The following C19orf47 variants were observed in gnomAD, a reference collection of about 807,000 sequenced individuals.
C19orf47 encodes the protein uncharacterized protein C19orf47.
Under a neutral mutation model 32.3 loss-of-function variants are expected in C19orf47, and 18 were observed. That is an observed-to-expected ratio of 0.56 (90% CI 0.39 to 0.83). The LOEUF (loss-of-function observed/expected upper bound fraction) is 0.83, where lower values mean the gene tolerates loss of function less well. Among genes scored for constraint, C19orf47 ranks in the 40% least tolerant of loss-of-function variants. The pLI is 0.00. For missense variants in C19orf47, 484 were observed against 531.6 expected (o/e 0.91, Z 0.88); for synonymous variants, 202 against 211.1 (o/e 0.96, Z 0.37).
the C19orf47 span, among the ~76,000 whole-genome samples, chr19:40,294,458 T>C: frequency 6.6e-6 from 1 of 152,144 alleles, no homozygotes; most frequent in Non-Finnish European, 1.5e-5. Flanking sequence ...GGAGGTATTA[T>C]TGTTTTCTGA....
the C19orf47 span, among the ~76,000 whole-genome samples, chr19:40,298,317 A>T: frequency 2.6e-5 from 4 of 151,910 alleles, no homozygotes; most frequent in South Asian, 4.1e-4. Context: ...AAAAAAAAAA[A>T]AAGAAAAAAT....
At chr19:40,311,846 AG>A in the C19orf47 span, among the ~76,000 whole-genome samples, 2 of 152,094 alleles carry the variant, frequency 1.3e-5, no homozygotes, top group East Asian at 3.9e-4. Flanking sequence ...TAGTAGAGAC[AG>A]GGTTTCACCA....
the C19orf47 span, among the ~76,000 whole-genome samples, chr19:40,304,782 G>A: frequency 6.6e-6 from 1 of 152,148 alleles, no homozygotes; most frequent in Non-Finnish European, 1.5e-5. Flanking sequence ...AAAGAACCTA[G>A]AAGGGTACAG....
chr19:40,316,997 T>C (rs554230689), downstream of C19orf47, among the ~76,000 whole-genome samples: 22 of 152,158 alleles, frequency 1.4e-4, no homozygotes, highest in African/African-American at 4.6e-4. Flanking sequence ...ACACAAGAAA[T>C]TGGTTAACAT....
downstream of C19orf47, among the ~76,000 whole-genome samples, chr19:40,318,404 GGCACA>G (rs570376405): frequency 3.8e-4 from 58 of 152,018 alleles, no homozygotes; most frequent in Non-Finnish European, 6.9e-4. Context: ...GAATCTCCCT[GGCACA>G]GCTAAACCCT....
At chr19:40,327,636 G>A (rs934474403) in intron 6 of C19orf47, among the ~76,000 whole-genome samples, 1 of 152,138 alleles carries the variant, frequency 6.6e-6, no homozygotes. Flanking sequence ...GACACCATGA[G>A]GTCATTGCTG....
intron 5 of C19orf47, among the ~76,000 whole-genome samples, chr19:40,331,703 G>A (rs1474645238): frequency 1.3e-5 from 2 of 152,168 alleles, no homozygotes; most frequent in African/African-American, 4.8e-5. Context: ...ATCAGCAAAG[G>A]GAAGCTAATG....
the C19orf47 span, among the ~76,000 whole-genome samples, chr19:40,313,497 A>T: frequency 1.3e-5 from 2 of 151,810 alleles, no homozygotes; most frequent in East Asian, 3.9e-4. Context: ...GCTAATTTTT[A>T]AATTTTTTGT....
In C19orf47 at chr19:40,348,341, C is replaced by T; in HGVS notation, c.-51G>A. On this transcript the variant is annotated 5_prime_UTR_variant, in exon 1 of 9. Transcript: ENST00000683109. Reference sequence around the variant, plus strand: ...CGCCTCACCTGGCCCACCGGGCCCGCGCCCACTCGCGCCGCCCGCCCTCCC... The same window carrying T: ...CGCCTCACCTGGCCCACCGGGCCCGTGCCCACTCGCGCCGCCCGCCCTCCC... 2.2e-6 allele frequency: 3 copies of T among 1,373,742 alleles called. No individual in the cohort carries two copies. Among genetic ancestry groups the T allele is most frequent in the Non-Finnish European group, 2.8e-6 (3 of 1,065,058 alleles). 85.1% of individuals were successfully genotyped at this position (1,373,742 alleles called of 1,614,324 possible).
downstream of C19orf47, among the ~76,000 whole-genome samples, chr19:40,316,227 G>A (rs924135035): frequency 2.1e-4 from 32 of 152,204 alleles, 1 homozygote; most frequent in Admixed American, 6.5e-5. Flanking sequence ...GGGGGCTGAG[G>A]CTGGCCCAGG....
Position 40,328,482 on chromosome 19 carries a change from C to T in C19orf47, c.370G>A (p.Asp124Asn). The change falls in exon 6 of 9, where the codon GAC (aspartate) becomes AAC (asparagine). Residue 124 changes from aspartate to asparagine, a missense_variant. By Grantham distance (23) the Asp-to-Asn change is conservative. Around this residue, in one of 3 missense-constraint regions of C19orf47, gnomAD observed 376 missense variants for 370.2 expected, o/e 1.02. Coordinates refer to ENST00000683109, the MANE Select transcript of C19orf47 (RefSeq NM_001256441.2). Reference sequence around the variant, plus strand: ...ACCGAGATCTTGGAGGTGCTGGTGTCCGGGCGCCTGGGGGGTGTGCTGGGT... The same window carrying T: ...ACCGAGATCTTGGAGGTGCTGGTGTTCGGGCGCCTGGGGGGTGTGCTGGGT... ...SPPSTPPRRP[D>N]TSTSKISVTV... The T allele has an allele frequency of 6.2e-7, 1 of 1,611,992 alleles. No homozygotes were observed. Among genetic ancestry groups the T allele is most frequent in the Non-Finnish European group, 8.5e-7 (1 of 1,179,092 alleles).
the C19orf47 span, among the ~76,000 whole-genome samples, chr19:40,305,524 T>C: frequency 1.3e-5 from 2 of 152,296 alleles, no homozygotes; most frequent in African/African-American, 4.8e-5. Context: ...CCACATGAGC[T>C]GGTCATCCCT....
the C19orf47 span, among the ~76,000 whole-genome samples, chr19:40,314,409 A>G: frequency 6.6e-6 from 1 of 152,208 alleles, no homozygotes; most frequent in Non-Finnish European, 1.5e-5. Context: ...CCTGGGCAAC[A>G]AGAACGAAAC....
At chr19:40,297,140 T>G in the C19orf47 span, among the ~76,000 whole-genome samples, 1 of 152,194 alleles carries the variant, frequency 6.6e-6, no homozygotes, top group Non-Finnish European at 1.5e-5. Context: ...GTTGGTTTAA[T>G]GAAAATCAGC....
chr19:40,303,821 A>G, the C19orf47 span, among the ~76,000 whole-genome samples: 1 of 150,984 alleles, frequency 6.6e-6, no homozygotes, highest in Admixed American at 6.6e-5. Flanking sequence ...AAAAAAAAAA[A>G]AAAAAAAAAG....
chr19:40,313,002 T>C, the C19orf47 span, among the ~76,000 whole-genome samples: 5 of 152,242 alleles, frequency 3.3e-5, no homozygotes, highest in Admixed American at 3.3e-4. Context: ...TTCTCATACA[T>C]GTCTTTTGCA....
At chr19:40,322,516 G>A (rs1306015451) in intron 8 of C19orf47, 140 bp from the exon 9 acceptor site, 2 of 1,138,420 alleles carry the variant, frequency 1.8e-6, no homozygotes, top group East Asian at 2.6e-5. Flanking sequence ...ATAGTGGCGA[G>A]AGCCATGATG....
intron 2 of C19orf47, 97 bp downstream of exon 2, chr19:40,341,742 C>G: frequency 6.6e-7 from 1 of 1,505,836 alleles, no homozygotes. Context: ...GCCAGTGACC[C>G]AGTCCTCCCT....
chr19:40,301,662 A>G, the C19orf47 span, among the ~76,000 whole-genome samples: 1 of 151,634 alleles, frequency 6.6e-6, no homozygotes, highest in East Asian at 2.0e-4. Flanking sequence ...CCTGGCCAAC[A>G]TAGAGAAACC....
Sources: gnomAD v4.1 joint callset for allele counts (sites outside exome capture counted in the v4.1 genomes callset) on GRCh38, gnomAD v4.1.1 for gene constraint, gnomAD v4.1.1 regional missense constraint, MANE v1.5 for transcripts, NCBI Gene and HGNC (gene_info 2026-07-23, HGNC 2026-07-21) for gene names.